The following TENM3 variants were observed in gnomAD, a reference collection of about 807,000 sequenced individuals.
TENM3 encodes the protein teneurin-3.
A neutral mutation model predicts 255.1 loss-of-function variants in TENM3; 63 were observed. That is an observed-to-expected ratio of 0.25 (90% CI 0.20 to 0.30). The LOEUF (loss-of-function observed/expected upper bound fraction) is 0.30, where lower values mean the gene tolerates loss of function less well. TENM3 is among the 10% of genes least tolerant of loss of function. The pLI, the probability that TENM3 is intolerant of heterozygous loss-of-function variation, is 1.00. For missense variants in TENM3, 2,929 were observed against 3,461.1 expected (o/e 0.85, Z 3.86); for synonymous variants, 1,306 against 1,322.3 (o/e 0.99, Z 0.27).
At chr4:182,767,399 A>G (rs1016851065) in intron 22 of TENM3, among the ~76,000 whole-genome samples, 33 of 152,174 alleles carry the variant, frequency 2.2e-4, no homozygotes, top group African/African-American at 7.7e-4. Context: ...TCACCTCAAC[A>G]ACAGATACGA....
chr4:182,016,364 G>T, the TENM3 span, among the ~76,000 whole-genome samples: 1 of 152,152 alleles, frequency 6.6e-6, no homozygotes. Context: ...ACACAGTATT[G>T]CTTTCATCTT....
In TENM3 at chr4:182,775,441, A is replaced by G. The variant is rs188284207; in HGVS notation, c.5304+288A>G. Among the ~76,000 whole-genome samples, 4 of 152,316 alleles carry G rather than the reference A, an allele frequency of 2.6e-5. No homozygotes were observed. The East Asian group carries it at 7.7e-4, about 29-fold the overall frequency. On this transcript the variant is annotated intron_variant, in intron 24 of 27. Transcript: ENST00000511685. Reference sequence around the variant, plus strand: ...ATGACCATGAAAACCAGCTCCAGACATCTTCCAGGTCACTTTCACAGAGCT... The same window carrying G: ...ATGACCATGAAAACCAGCTCCAGACGTCTTCCAGGTCACTTTCACAGAGCT...
At chr4:182,610,910 AT>A (rs370512327) in intron 4 of TENM3, among the ~76,000 whole-genome samples, 8,722 of 141,532 alleles carry the variant, frequency 0.062, 269 homozygotes, top group African/African-American at 0.1. Flanking sequence ...TGCCCAGCTA[AT>A]TTTTTTTTTT....
chr4:181,483,131 G>A, the TENM3 span, among the ~76,000 whole-genome samples: 2 of 152,072 alleles, frequency 1.3e-5, no homozygotes, highest in Non-Finnish European at 2.9e-5. Context: ...GCTTTCTACT[G>A]GAAGAACTTA....
At chr4:181,746,697 CCT>C in the TENM3 span, among the ~76,000 whole-genome samples, 2 of 151,698 alleles carry the variant, frequency 1.3e-5, no homozygotes, top group Admixed American at 6.6e-5. Flanking sequence ...AATCTATTTG[CCT>C]CTCTTTTTAT....
At chr4:182,783,885 G>A (rs961004782) in intron 24 of TENM3, among the ~76,000 whole-genome samples, 48 of 151,804 alleles carry the variant, frequency 3.2e-4, no homozygotes, top group Non-Finnish European at 5.7e-4. Flanking sequence ...CGTAGTTCTC[G>A]AGCCTTGGTT....
chr4:181,691,118 A>G, the TENM3 span, among the ~76,000 whole-genome samples: 1 of 152,150 alleles, frequency 6.6e-6, no homozygotes, highest in Non-Finnish European at 1.5e-5. Context: ...TAGCAGAAAA[A>G]TTATTTTAGT....
the TENM3 span, among the ~76,000 whole-genome samples, chr4:181,913,130 G>T: frequency 6.6e-6 from 1 of 152,244 alleles, no homozygotes; most frequent in Non-Finnish European, 1.5e-5. Context: ...GGGATGAGCT[G>T]TCCATCTCAC....
chr4:181,632,276 A>C, the TENM3 span, among the ~76,000 whole-genome samples: 14,482 of 152,084 alleles, frequency 0.095, 805 homozygotes, highest in South Asian at 0.2. Context: ...CGTGAGAACT[A>C]ACTCACTATC....
At chr4:181,501,453 A>G in the TENM3 span, among the ~76,000 whole-genome samples, 1 of 150,324 alleles carries the variant, frequency 6.7e-6, no homozygotes, top group Non-Finnish European at 1.5e-5. Flanking sequence ...ATCTCAGCTC[A>G]CCGCAACCTC....
the TENM3 span, among the ~76,000 whole-genome samples, chr4:181,653,164 G>T: frequency 6.6e-6 from 1 of 152,174 alleles, no homozygotes; most frequent in Non-Finnish European, 1.5e-5. Flanking sequence ...GGACCCTGCT[G>T]CATGGCACAT....
chr4:182,158,760 G>A (rs1399747367), intron 1 of TENM3, among the ~76,000 whole-genome samples: 3 of 152,144 alleles, frequency 2.0e-5, no homozygotes, highest in African/African-American at 7.2e-5. Flanking sequence ...TACACCTATT[G>A]TTTGGAGCGG....
chr4:182,633,254 C>A (rs1026617435), intron 5 of TENM3, among the ~76,000 whole-genome samples: 3 of 152,090 alleles, frequency 2.0e-5, no homozygotes, highest in African/African-American at 7.2e-5. Flanking sequence ...TAAAAATGTT[C>A]TTCAACTTAC....
the TENM3 span, among the ~76,000 whole-genome samples, chr4:181,861,035 C>T: frequency 6.6e-6 from 1 of 152,156 alleles, no homozygotes; most frequent in Non-Finnish European, 1.5e-5. Flanking sequence ...AGAAACTAAA[C>T]AATCCTGGGG....
At chr4:182,631,270 G>A (rs922824846) in intron 5 of TENM3, among the ~76,000 whole-genome samples, 29 of 151,986 alleles carry the variant, frequency 1.9e-4, no homozygotes, top group Non-Finnish European at 3.4e-4. Flanking sequence ...TAGTTATTGT[G>A]CTAGGAATTA....
the TENM3 span, among the ~76,000 whole-genome samples, chr4:182,066,720 C>T: frequency 1.3e-5 from 2 of 151,714 alleles, no homozygotes; most frequent in Admixed American, 6.6e-5. Context: ...ACCGTCCTGG[C>T]TAACACCATG....
At chr4:182,231,584 G>A (rs1756584500) in intron 1 of TENM3, among the ~76,000 whole-genome samples, 1 of 152,178 alleles carries the variant, frequency 6.6e-6, no homozygotes, top group Non-Finnish European at 1.5e-5. Flanking sequence ...AGCAGTAGAA[G>A]GTTCTGGCCA....
At chr4:182,743,588 A>G (rs1761769467) in intron 19 of TENM3, among the ~76,000 whole-genome samples, 169 bp downstream of exon 19, 1 of 152,240 alleles carries the variant, frequency 6.6e-6, no homozygotes, top group Non-Finnish European at 1.5e-5. Context: ...AGCATAACAC[A>G]TATAAATTGT....
At chr4:182,001,139 C>G in the TENM3 span, among the ~76,000 whole-genome samples, 1 of 151,434 alleles carries the variant, frequency 6.6e-6, no homozygotes, top group Non-Finnish European at 1.5e-5. Flanking sequence ...AAGTGTCTCA[C>G]TTTCATCCTG....
Sources: allele counts gnomAD v4.1 joint callset (sites outside exome capture counted in the v4.1 genomes callset), GRCh38; gene constraint gnomAD v4.1.1; transcripts MANE v1.5; gene names NCBI Gene and HGNC (gene_info 2026-07-23, HGNC 2026-07-21).